The following BBS9 variants were observed in gnomAD, a reference collection of about 807,000 sequenced individuals.
BBS9 encodes Bardet-Biedl syndrome 9.
BBS9 carries 89 observed loss-of-function variants against 117.7 expected under a neutral mutation model. The ratio of observed to expected loss-of-function variants is 0.76; its 90% CI spans 0.64 to 0.90. BBS9 has a LOEUF of 0.90. Ranked by LOEUF, BBS9 falls within the 40% of genes least tolerant of loss-of-function variation. The pLI, the probability that BBS9 is intolerant of heterozygous loss-of-function variation, is 0.00. For synonymous variants in BBS9, 379 were observed against 370.9 expected (o/e 1.02, Z -0.25); for missense variants, 982 against 1,042.2 (o/e 0.94, Z 0.80).
At chr7:33,474,122 G>A (rs1447429149) in intron 19 of BBS9, among the ~76,000 whole-genome samples, 4 of 152,188 alleles carry the variant, frequency 2.6e-5, no homozygotes, top group African/African-American at 9.6e-5. Context: ...TACTGAGCTT[G>A]TGCTGTGTGT....
chr7:33,623,172 A>G (rs564833913), intron 21 of BBS9, among the ~76,000 whole-genome samples: 1 of 152,218 alleles, frequency 6.6e-6, no homozygotes, highest in Non-Finnish European at 1.5e-5. Flanking sequence ...ATTAGTATTT[A>G]GAGTGTCTAA....
intron 19 of BBS9, among the ~76,000 whole-genome samples, chr7:33,420,802 A>G (rs964960576): frequency 6.6e-6 from 1 of 152,210 alleles, no homozygotes; most frequent in African/African-American, 2.4e-5. Context: ...AGCAGGTATT[A>G]GTAAAAATTG....
chr7:33,494,540 T>C (rs575065954), intron 19 of BBS9, among the ~76,000 whole-genome samples: 1 of 152,300 alleles, frequency 6.6e-6, no homozygotes, highest in Non-Finnish European at 1.5e-5. Context: ...GTAAACCCAA[T>C]GAATAACATA....
At chr7:33,165,128 GT>G (rs1297592814) in intron 4 of BBS9, among the ~76,000 whole-genome samples, 2 of 152,056 alleles carry the variant, frequency 1.3e-5, no homozygotes, top group South Asian at 2.1e-4. Context: ...GTTGAAAATT[GT>G]TTTCTTTAAG....
intron 9 of BBS9, among the ~76,000 whole-genome samples, chr7:33,318,989 C>A (rs1361825408): frequency 6.6e-6 from 1 of 152,094 alleles, no homozygotes; most frequent in East Asian, 1.9e-4. Flanking sequence ...ATGATGAAAC[C>A]CCGTCTCTAC....
At chr7:33,204,872 C>T (rs1319424311) in intron 5 of BBS9, among the ~76,000 whole-genome samples, 1 of 152,224 alleles carries the variant, frequency 6.6e-6, no homozygotes, top group Admixed American at 6.5e-5. Context: ...ATAACTTCCT[C>T]TCTCCACTAC....
At chr7:33,464,910 T>G (rs1221486459) in intron 19 of BBS9, among the ~76,000 whole-genome samples, 1 of 152,006 alleles carries the variant, frequency 6.6e-6, no homozygotes, top group South Asian at 2.1e-4. Context: ...ACTGCAGCCT[T>G]GATATCCTGG....
chr7:33,543,462 T>C (rs73109608), intron 21 of BBS9, among the ~76,000 whole-genome samples: 18,850 of 152,238 alleles, frequency 0.12, 1,258 homozygotes, highest in African/African-American at 0.17. Context: ...TTCAGTTTAA[T>C]TAGATCCCAG....
At chr7:33,170,371 A>T (rs1431105684) in intron 4 of BBS9, among the ~76,000 whole-genome samples, 2 of 148,876 alleles carry the variant, frequency 1.3e-5, no homozygotes, top group Non-Finnish European at 3.0e-5. Flanking sequence ...ATCTCAATAG[A>T]TGCAGAAAAG....
rs889504357 is a variant in BBS9 at position 33,633,032 on chromosome 7, G to A, written c.2522-2145G>A. 2.6e-5 allele frequency among the ~76,000 whole-genome samples: 4 copies of A among 152,032 alleles called. No homozygotes were observed. The South Asian group carries it at 8.3e-4, about 32-fold the overall frequency. ...AAAGCTTGGTGTGACCCAATCAGGC[G>A]GCCCAAACTAGGATTAACCAAACCA... On this transcript the variant is annotated intron_variant, in intron 21 of 21. Transcript: ENST00000671952.
chr7:33,519,778 A>G (rs1848333278), intron 20 of BBS9, among the ~76,000 whole-genome samples: 1 of 152,210 alleles, frequency 6.6e-6, no homozygotes, highest in Non-Finnish European at 1.5e-5. Flanking sequence ...AAAGACAAAC[A>G]TAACGAAATG....
chr7:33,212,547 C>T (rs1359337512), intron 5 of BBS9, among the ~76,000 whole-genome samples: 1 of 152,080 alleles, frequency 6.6e-6, no homozygotes, highest in Non-Finnish European at 1.5e-5. Flanking sequence ...TGGGATTGGT[C>T]CTGGTGCCTT....
intron 9 of BBS9, among the ~76,000 whole-genome samples, chr7:33,306,348 A>G (rs922963640): frequency 2.4e-4 from 36 of 152,092 alleles, no homozygotes; most frequent in African/African-American, 8.4e-4. Flanking sequence ...AATGAAGGCC[A>G]TCATGCTACT....
chr7:33,282,790 A>G (rs1271317587), intron 9 of BBS9, among the ~76,000 whole-genome samples: 1 of 152,222 alleles, frequency 6.6e-6, no homozygotes, highest in African/African-American at 2.4e-5. Flanking sequence ...TTTAGTTTCT[A>G]AAAGACTTCT....
At position 33,533,855 on chromosome 7, in the gene BBS9, C is replaced by T. The variant is rs1010056861; in HGVS notation, c.2299-99C>T. The T allele has an allele frequency of 2.2e-6, 3 of 1,376,622 alleles. No individual in the cohort carries two copies. In the African/African-American group the frequency reaches 4.3e-5, roughly 20 times the overall value. The allele number at this position is 1,376,622 out of a possible 1,614,324, so 85.3% of individuals were successfully genotyped here. On this transcript the variant is annotated intron_variant, in intron 20 of 22. Transcript: ENST00000242067. ...TACCACACTCTTCACAGGTTCCCAA[C>T]ACTTGAACATAAACACTCAATAATC...
intron 1 of BBS9, among the ~76,000 whole-genome samples, chr7:33,145,752 A>G (rs1792234052): frequency 6.6e-6 from 1 of 152,184 alleles, no homozygotes; most frequent in South Asian, 2.1e-4. Flanking sequence ...TACTAGGTAT[A>G]CTAGGTCATT....
chr7:33,529,098 G>C (rs1033828647), intron 20 of BBS9, among the ~76,000 whole-genome samples: 77 of 152,294 alleles, frequency 5.1e-4, no homozygotes, highest in African/African-American at 1.8e-3. Flanking sequence ...AGCAGACTAG[G>C]CAAGGCCAGG....
chr7:33,520,467 A>T lies in BBS9; in HGVS notation c.2299-13487A>T, dbSNP rs552350150. On this transcript the variant is annotated intron_variant, in intron 20 of 22. Coordinates refer to ENST00000242067, the MANE Select transcript of BBS9 (RefSeq NM_198428.3). ...TACATTTGCTAAATATGTCTCATTA[A>T]ATCTTAGTAAGCATCTGGCAAGGAA... Among the ~76,000 whole-genome samples the T allele has an allele frequency of 2.0e-5, 3 of 152,322 alleles. No homozygotes were observed. In the South Asian group the frequency reaches 6.2e-4, roughly 32 times the overall value.
chr7:33,191,891 A>T (rs1452530523), intron 5 of BBS9, among the ~76,000 whole-genome samples: 1 of 152,082 alleles, frequency 6.6e-6, no homozygotes, highest in African/African-American at 2.4e-5. Context: ...GGATGTATAT[A>T]CTTTTGTTAT....
Sources: gnomAD v4.1 joint callset for allele counts (sites outside exome capture counted in the v4.1 genomes callset) on GRCh38, gnomAD v4.1.1 for gene constraint, MANE v1.5 for transcripts, NCBI Gene and HGNC (gene_info 2026-07-23, HGNC 2026-07-21) for gene names.